The following MAP3K9 variants were observed in gnomAD, a reference collection of about 807,000 sequenced individuals.
MAP3K9 encodes the protein mixed lineage kinase 1 (tyr and ser/thr specificity).
In MAP3K9, 46 loss-of-function variants were observed where a neutral mutation model predicts 95.8. The ratio of observed to expected loss-of-function variants is 0.48; its 90% CI spans 0.38 to 0.61. The LOEUF (loss-of-function observed/expected upper bound fraction) is 0.61. Among genes scored for constraint, MAP3K9 ranks in the 20% least tolerant of loss-of-function variants. The pLI, the probability that MAP3K9 is intolerant of heterozygous loss-of-function variation, is 0.00. For synonymous variants in MAP3K9, 533 were observed against 593.8 expected, an observed-to-expected ratio of 0.90 and a Z score of 1.49; for missense variants, 1,296 against 1,474.3, an observed-to-expected ratio of 0.88 and a Z score of 1.98.
chr14:70,747,904 C>G (rs577133114), intron 5 of MAP3K9, among the ~76,000 whole-genome samples: 1 of 151,946 alleles, frequency 6.6e-6, no homozygotes, highest in Non-Finnish European at 1.5e-5. Context: ...GTCAGGAGAT[C>G]GAGAGCATTC....
At chr14:70,783,027 T>C (rs370061437) in intron 2 of MAP3K9, among the ~76,000 whole-genome samples, 3 of 152,348 alleles carry the variant, frequency 2.0e-5, no homozygotes, top group African/African-American at 4.8e-5. Context: ...TGAATGCCCA[T>C]GTAAGGAAAA....
Position 70,809,012 on chromosome 14 carries a change from G to A in MAP3K9, c.160C>T (p.Leu54=), listed in dbSNP as rs1465902268. 1 of 1,519,622 alleles carries A rather than the reference G, an allele frequency of 6.6e-7. No homozygotes were observed. Among genetic ancestry groups the A allele is most frequent in the Non-Finnish European group, 8.8e-7 (1 of 1,139,768 alleles). The allele number at this position is 1,519,622 out of a possible 1,614,324, so 94.1% of individuals were successfully genotyped here. Residue 54 remains leucine (L), a synonymous_variant, in exon 1 of 12, where the codon CTG becomes TTG. Coordinates refer to ENST00000554752, the MANE Select transcript of MAP3K9 (RefSeq NM_001284230.2). ...TCGAACACGGCCGTCCAGTAGGGCA[G>A]CGGCGCGTCGCAGCCCAGCTCCCCG... ...GPGELGCDAP[L]PYWTAVFEYE...
At chr14:70,783,390 C>T in intron 2 of MAP3K9, 9 of 985,368 alleles carry the variant, frequency 9.1e-6, no homozygotes, top group Non-Finnish European at 1.1e-5. Context: ...TAATTCCATC[C>T]ACTGTCCTTA....
intron 5 of MAP3K9, among the ~76,000 whole-genome samples, chr14:70,745,678 C>T (rs546662137): frequency 6.6e-5 from 10 of 151,292 alleles, no homozygotes; most frequent in African/African-American, 1.9e-4. Context: ...GTGGAGGTTG[C>T]AGTGAGCCGA....
intron 2 of MAP3K9, among the ~76,000 whole-genome samples, chr14:70,774,530 G>A (rs577711408): frequency 2.0e-5 from 3 of 152,038 alleles, no homozygotes; most frequent in East Asian, 1.9e-4. Context: ...AGGCGTGGTG[G>A]TGGGCGCCTG....
intron 6 of MAP3K9, among the ~76,000 whole-genome samples, chr14:70,741,788 A>G (rs2139731056): frequency 6.6e-6 from 1 of 152,250 alleles, no homozygotes; most frequent in East Asian, 1.9e-4. Flanking sequence ...CTCTACTAAA[A>G]ATACAAAAAT....
At position 70,761,096 on chromosome 14, in the gene MAP3K9, G is replaced by C; in HGVS notation, c.907C>G (p.Arg303Gly). ...CCTGCCGCACTCATCTTGGTGGTTCGGTGCCATTCCCGAGCCAGGCCAAAA... is the reference window on the plus strand; with the variant it reads ...CCTGCCGCACTCATCTTGGTGGTTCCGTGCCATTCCCGAGCCAGGCCAAAA... ...TDFGLAREWH[R>G]TTKMSAAGTY... The change falls in exon 3 of 12, where the codon CGA becomes GGA. Residue 303 changes from arginine to glycine, a missense_variant. Physicochemically the swap from Arg to Gly is moderately radical, Grantham distance 125. Transcript: ENST00000554752. 6.2e-7 allele frequency: 1 copy of C among 1,614,032 alleles called. No homozygotes were observed. Among genetic ancestry groups the C allele is most frequent in the Non-Finnish European group, 8.5e-7 (1 of 1,179,990 alleles).
intron 2 of MAP3K9, among the ~76,000 whole-genome samples, chr14:70,772,860 A>G (rs1180393167): frequency 6.6e-6 from 1 of 152,200 alleles, no homozygotes; most frequent in Admixed American, 6.5e-5. Flanking sequence ...ACTTTCAGAT[A>G]TGGAGACTGA....
chr14:70,795,265 G>A (rs1200613994), intron 2 of MAP3K9, among the ~76,000 whole-genome samples: 1 of 151,280 alleles, frequency 6.6e-6, no homozygotes, highest in African/African-American at 2.4e-5. Flanking sequence ...CAAAGTGCTG[G>A]GATTACAGGC....
At chr14:70,784,532 C>T (rs1034916334) in intron 2 of MAP3K9, among the ~76,000 whole-genome samples, 5 of 152,146 alleles carry the variant, frequency 3.3e-5, no homozygotes, top group Non-Finnish European at 4.4e-5. Context: ...CACTTGAGGA[C>T]AGGAGTTCAA....
chr14:70,742,961 T>C (rs1477887979), intron 5 of MAP3K9, among the ~76,000 whole-genome samples: 1 of 149,930 alleles, frequency 6.7e-6, no homozygotes, highest in African/African-American at 2.4e-5. Context: ...AATATAATCA[T>C]GTATTTATTT....
At chr14:70,747,884 G>A (rs765073225) in intron 5 of MAP3K9, among the ~76,000 whole-genome samples, 11 of 152,092 alleles carry the variant, frequency 7.2e-5, no homozygotes, top group Non-Finnish European at 1.5e-4. Context: ...CGAGGTGGGC[G>A]GATCACGAGG....
Position 70,726,511 on chromosome 14 carries a change from C to A in MAP3K9, c.*3869G>T, listed in dbSNP as rs536383965. ...TCATTTCCTTCTCTGTAAGACACAA[C>A]CTCCCTCTCCCATTTCCTTCTCTGT... On this transcript the variant is annotated 3_prime_UTR_variant, in exon 12 of 12. Transcript: ENST00000554752. 1 of 152,250 alleles carries A rather than the reference C, an allele frequency of 6.6e-6. No homozygotes were observed. The highest frequency in any genetic ancestry group is 1.9e-4 in the East Asian group (1 of 5,198). 9.4% of individuals were successfully genotyped at this position (152,250 alleles called of 1,614,324 possible).
At chr14:70,781,267 G>C (rs1382310814) in intron 2 of MAP3K9, among the ~76,000 whole-genome samples, 1 of 152,232 alleles carries the variant, frequency 6.6e-6, no homozygotes, top group Non-Finnish European at 1.5e-5. Flanking sequence ...AGCCCTAAGA[G>C]AGCCATGCTC....
intron 5 of MAP3K9, among the ~76,000 whole-genome samples, chr14:70,748,494 T>C (rs1459458436): frequency 6.6e-6 from 1 of 152,256 alleles, no homozygotes; most frequent in Non-Finnish European, 1.5e-5. Flanking sequence ...ATCCTCAAGG[T>C]TGAAGTATCC....
chr14:70,798,983 G>A (rs2054898175), intron 2 of MAP3K9, among the ~76,000 whole-genome samples: 2 of 152,134 alleles, frequency 1.3e-5, no homozygotes, highest in African/African-American at 4.8e-5. Flanking sequence ...TATTATTAAG[G>A]GGGAAAAGAA....
chr14:70,748,210 A>G (rs2054176873), intron 5 of MAP3K9, among the ~76,000 whole-genome samples: 1 of 151,986 alleles, frequency 6.6e-6, no homozygotes, highest in Non-Finnish European at 1.5e-5. Context: ...TATAAGCAAT[A>G]TAGTTGCATG....
chr14:70,778,541 G>A (rs951970328), intron 2 of MAP3K9, among the ~76,000 whole-genome samples: 1 of 152,132 alleles, frequency 6.6e-6, no homozygotes, highest in Admixed American at 6.5e-5. Flanking sequence ...CTCCCAAAGT[G>A]CAGGGGTTAC....
In MAP3K9 at chr14:70,748,871, G is replaced by A. The variant is rs201699297; in HGVS notation, c.1284C>T (p.His428=). Residue 428 remains histidine (H), a synonymous_variant, in exon 5 of 12, where the codon CAC becomes CAT. Coordinates refer to ENST00000554752, the MANE Select transcript of MAP3K9 (RefSeq NM_001284230.2). ...SFHCLQDNWK[H]EIQEMFDQLR... ...GTTGGTCAAACATCTCCTGAATCTCGTGTTTCCAGTTGTCCTGCAGGCAGT... is the reference window on the plus strand; with the variant it reads ...GTTGGTCAAACATCTCCTGAATCTCATGTTTCCAGTTGTCCTGCAGGCAGT... The A allele has an allele frequency of 6.5e-5, 105 of 1,613,756 alleles. No homozygotes were observed. Among genetic ancestry groups the A allele is most frequent in the African/African-American group, 9.3e-5 (7 of 74,914 alleles).
Sources: allele counts gnomAD v4.1 joint callset (sites outside exome capture counted in the v4.1 genomes callset), GRCh38; gene constraint gnomAD v4.1.1; transcripts MANE v1.5; gene names NCBI Gene and HGNC (gene_info 2026-07-23, HGNC 2026-07-21).